The following DHX9 variants were observed in gnomAD, a reference collection of about 807,000 sequenced individuals.
DHX9 encodes the protein ATP-dependent RNA helicase A.
Under a neutral mutation model 148.7 loss-of-function variants are expected in DHX9, and 27 were observed. That is an observed-to-expected ratio of 0.18 (90% CI 0.13 to 0.25). The LOEUF (loss-of-function observed/expected upper bound fraction) is 0.25. Ranked by LOEUF, DHX9 falls within the 10% of genes least tolerant of loss-of-function variation. DHX9 has a pLI of 1.00. For missense variants in DHX9, 796 were observed against 1,559.6 expected (o/e 0.51, Z 8.25); for synonymous variants, 529 against 516.6 (o/e 1.02, Z -0.33).
At chr1:182,852,714 A>AG (rs1454851454) in intron 4 of DHX9, among the ~76,000 whole-genome samples, 1 of 152,210 alleles carries the variant, frequency 6.6e-6, no homozygotes, top group African/African-American at 2.4e-5. Context: ...AATGACTTAC[A>AG]GTAGGTCCTT....
At chr1:182,849,453 AGTGTC>A (rs1668092299) in intron 3 of DHX9, among the ~76,000 whole-genome samples, 2 of 152,248 alleles carry the variant, frequency 1.3e-5, no homozygotes, top group Admixed American at 1.3e-4. Flanking sequence ...ATTTAAGAAT[AGTGTC>A]AATATAATGA....
Position 182,842,736 on chromosome 1 carries a change from G to A in DHX9, c.111+59G>A, listed in dbSNP as rs909424687. On this transcript the variant is annotated intron_variant, in intron 2 of 27. Coordinates refer to ENST00000367549, the MANE Select transcript of DHX9 (RefSeq NM_001357.5). ...TATGAGGTTCATTTTGGGGTTAAAA[G>A]AAAAATGTTTTCTGTTTGGAGATGT... 10 of 1,391,122 alleles carry A rather than the reference G, an allele frequency of 7.2e-6. No homozygotes were observed. In the African/African-American group the frequency reaches 7.3e-5, roughly 10 times the overall value. 86.2% of individuals were successfully genotyped at this position (1,391,122 alleles called of 1,614,324 possible). A position where few individuals can be genotyped will look rare whatever the true frequency, so the allele number is the denominator to read the frequency against.
chr1:182,854,193 T>G lies in DHX9; in HGVS notation c.626+15T>G. On this transcript the variant is annotated intron_variant, in intron 6 of 27. Transcript: ENST00000367549. ...GATCACAACAGGTTTGCTTGTTTCATTCTTTTCCTTCTGTAGTAAGTTAAG... is the reference window on the plus strand; with the variant it reads ...GATCACAACAGGTTTGCTTGTTTCAGTCTTTTCCTTCTGTAGTAAGTTAAG... 6.3e-7 allele frequency: 1 copy of G among 1,576,916 alleles called. No homozygotes were observed. The highest frequency in any genetic ancestry group is 8.6e-7 in the Non-Finnish European group (1 of 1,160,460).
chr1:182,858,011 T>C, intron 7 of DHX9, 93 bp from the exon 8 acceptor site: 1 of 1,337,862 alleles, frequency 7.5e-7, no homozygotes, highest in Non-Finnish European at 1.0e-6. Context: ...TTTTAGGGCT[T>C]CTTGTGTACG....
In DHX9 at chr1:182,866,555, C is replaced by A. The variant is rs371455367; in HGVS notation, c.1444C>A (p.Pro482Thr). Residue 482 changes from proline (P) to threonine (T), a missense_variant, in exon 13 of 28, where the codon CCT becomes ACT. Pro to Thr is a conservative substitution (Grantham distance 38). Around this residue, in one of 14 missense-constraint regions of DHX9, gnomAD observed 58 missense variants for 122.8 expected, o/e 0.47. Transcript: ENST00000367549. The part of the protein sequence containing the change: ...SVRFESILPR[P>T]HASIMFCTVG... ...TCGATTTGAGTCTATACTTCCTCGTCCTCATGCCAGTATAATGTTTTGTAC... is the reference window on the plus strand; with the variant it reads ...TCGATTTGAGTCTATACTTCCTCGTACTCATGCCAGTATAATGTTTTGTAC... The A allele has an allele frequency of 1.4e-5, 22 of 1,614,146 alleles. No individual in the cohort carries two copies. The highest frequency in any genetic ancestry group is 1.8e-5 in the Non-Finnish European group (21 of 1,180,010).
chr1:182,867,848 A>G (rs1196367303), intron 14 of DHX9, among the ~76,000 whole-genome samples: 1 of 152,250 alleles, frequency 6.6e-6, no homozygotes, highest in Non-Finnish European at 1.5e-5. Flanking sequence ...AAAACTGTGT[A>G]AAATCAACTT....
At chr1:182,850,264 A>G (rs1420940322) in intron 3 of DHX9, among the ~76,000 whole-genome samples, 2 of 152,088 alleles carry the variant, frequency 1.3e-5, no homozygotes, top group South Asian at 4.1e-4. Context: ...TATCTAGGCT[A>G]AATCATCCAG....
At chr1:182,841,639 T>G in intron 1 of DHX9, among the ~76,000 whole-genome samples, 1 of 152,346 alleles carries the variant, frequency 6.6e-6, no homozygotes, top group East Asian at 1.9e-4. Flanking sequence ...ACAAAATGCA[T>G]CAAACGTGAA....
In DHX9 at chr1:182,874,838, G is replaced by T; in HGVS notation, c.1715-16G>T. On this transcript the variant is annotated splice_polypyrimidine_tract_variant and intron_variant, in intron 15 of 27. Transcript: ENST00000367549. Reference sequence around the variant, plus strand: ...AAAGTTGATAGTACTTAACCTGACTGGATTGTCCCTGGCAGAATATTTTCT... The same window carrying T: ...AAAGTTGATAGTACTTAACCTGACTTGATTGTCCCTGGCAGAATATTTTCT... 6.3e-7 allele frequency: 1 copy of T among 1,590,126 alleles called. No homozygotes were observed. The highest frequency in any genetic ancestry group is 8.6e-7 in the Non-Finnish European group (1 of 1,160,136).
chr1:182,874,861 T>C lies in DHX9; in HGVS notation c.1722T>C (p.Phe574=), dbSNP rs762812691. 9 of 1,610,844 alleles carry C rather than the reference T, an allele frequency of 5.6e-6. No individual in the cohort carries two copies. The highest frequency in any genetic ancestry group is 7.6e-6 in the Non-Finnish European group (9 of 1,178,244). Residue 574 remains phenylalanine (F), a synonymous_variant, in exon 16 of 28, where the codon TTT becomes TTC. Transcript: ENST00000367549. ...CTGGATTGTCCCTGGCAGAATATTT[T>C]CTGGAAGACTGCATTCAGATGACCC... ...YGRTYPVQEY[F]LEDCIQMTHF...
intron 18 of DHX9, 127 bp from the exon 19 acceptor site, chr1:182,876,703 C>A: frequency 1.1e-6 from 1 of 902,370 alleles, no homozygotes; most frequent in Non-Finnish European, 1.7e-6. Flanking sequence ...GTTCATTAAT[C>A]AGTTATTGGG....
Position 182,876,188 on chromosome 1 carries a change from G to T in DHX9, c.1954G>T (p.Ala652Ser), listed in dbSNP as rs765596352. ...CATTGAAACCCTTAATGTTCCTGGA[G>T]CTGTGTTGGTTTTTTTGCCTGGCTG... ...KYIETLNVPG[A>S]VLVFLPGWNL... The change falls in exon 17 of 28, where the codon GCT becomes TCT. Residue 652 changes from alanine to serine, a missense_variant. This residue lies in a region of DHX9 where 133 missense variants were observed against 223.8 expected (regional missense o/e 0.59). Transcript: ENST00000367549. 1 of 1,613,998 alleles carries T rather than the reference G, an allele frequency of 6.2e-7. No individual in the cohort carries two copies. The highest frequency in any genetic ancestry group is 1.1e-5 in the South Asian group (1 of 91,078).
chr1:182,879,126 T>C (rs1571320402), intron 20 of DHX9, 124 bp from the exon 21 acceptor site: 1 of 734,614 alleles, frequency 1.4e-6, no homozygotes, highest in South Asian at 4.1e-5. Context: ...GGTCCGATGG[T>C]AATTGTAAAA....
chr1:182,855,982 T>G (rs2102598399), intron 6 of DHX9, among the ~76,000 whole-genome samples: 1 of 152,288 alleles, frequency 6.6e-6, no homozygotes, highest in East Asian at 1.9e-4. Flanking sequence ...TAGGCTAAGT[T>G]TTTTGTCATC....
intron 14 of DHX9, among the ~76,000 whole-genome samples, chr1:182,871,558 C>G (rs1648554041): frequency 6.6e-6 from 1 of 152,136 alleles, no homozygotes; most frequent in South Asian, 2.1e-4. Flanking sequence ...GTTTAGCACT[C>G]CTGTTTAGAC....
intron 14 of DHX9, among the ~76,000 whole-genome samples, chr1:182,867,826 G>C (rs1648369051): frequency 6.6e-6 from 1 of 151,944 alleles, no homozygotes; most frequent in Non-Finnish European, 1.5e-5. Context: ...CCCTCTTTTG[G>C]TCCTTGACAA....
At chr1:182,866,823 C>T in intron 13 of DHX9, 138 bp from the exon 14 acceptor site, 1 of 777,736 alleles carries the variant, frequency 1.3e-6, no homozygotes. Context: ...AGTACACTAT[C>T]ACTTTTTAAT....
chr1:182,861,762 T>C (rs943568327), intron 12 of DHX9, among the ~76,000 whole-genome samples: 1 of 152,248 alleles, frequency 6.6e-6, no homozygotes, highest in Non-Finnish European at 1.5e-5. Context: ...GAATTACTTA[T>C]AACTCATATT....
chr1:182,850,793 C>T (rs1668128551), intron 3 of DHX9, among the ~76,000 whole-genome samples: 2 of 152,150 alleles, frequency 1.3e-5, no homozygotes, highest in Non-Finnish European at 2.9e-5. Flanking sequence ...ACATTGCTGA[C>T]TCTTCCTTAG....
Sources: allele counts gnomAD v4.1 joint callset (sites outside exome capture counted in the v4.1 genomes callset), GRCh38; gene constraint gnomAD v4.1.1; regional missense constraint gnomAD v4.1.1; transcripts MANE v1.5; gene names NCBI Gene and HGNC (gene_info 2026-07-23, HGNC 2026-07-21).